Variants in CLPTM1L observed in about 807,000 individuals in gnomAD.
CLPTM1L encodes the protein CLPTM1 like.
Under a neutral mutation model 70.9 loss-of-function variants are expected in CLPTM1L, and 38 were observed. That is an observed-to-expected ratio of 0.54 (90% CI 0.41 to 0.70). The LOEUF is 0.70. Ranked by LOEUF, CLPTM1L falls within the 30% of genes least tolerant of loss-of-function variation. The pLI, the probability that CLPTM1L is intolerant of heterozygous loss-of-function variation, is 0.00. For missense variants in CLPTM1L, 652 were observed against 705.9 expected, an observed-to-expected ratio of 0.92 and a Z score of 0.87; for synonymous variants, 339 against 299.9, an observed-to-expected ratio of 1.13 and a Z score of -1.35.
At chr5:1,341,945 C>G in intron 2 of CLPTM1L, 85 bp from the exon 3 acceptor site, 1 of 1,109,704 alleles carries the variant, frequency 9.0e-7, no homozygotes, top group Non-Finnish European at 1.3e-6. Context: ...AAAGCTGCTT[C>G]AATAAACTAA....
chr5:1,318,259 G>C lies in CLPTM1L; in HGVS notation c.*110C>G. On this transcript the variant is annotated 3_prime_UTR_variant, in exon 17 of 17. Coordinates refer to ENST00000320895, the MANE Select transcript of CLPTM1L (RefSeq NM_030782.5). The surrounding 1 kb of genome is among the most constrained non-coding windows in gnomAD (Gnocchi z 8.9). Reference sequence around the variant, plus strand: ...GGGAGATGTCTGAGAAATGTCCGAAGGGATTTTGGCAACACAGAAAACGCA... The same window carrying C: ...GGGAGATGTCTGAGAAATGTCCGAACGGATTTTGGCAACACAGAAAACGCA... 1 of 841,540 alleles carries C rather than the reference G, an allele frequency of 1.2e-6. No individual in the cohort carries two copies. Among genetic ancestry groups the C allele is most frequent in the Non-Finnish European group, 1.9e-6 (1 of 515,894 alleles). The allele number at this position is 841,540 out of a possible 1,614,324, so 52.1% of individuals were successfully genotyped here.
chr5:1,335,850 C>T (rs905034656), intron 5 of CLPTM1L, among the ~76,000 whole-genome samples: 3 of 152,242 alleles, frequency 2.0e-5, no homozygotes, highest in Admixed American at 6.5e-5. Flanking sequence ...CCCTACAGCA[C>T]GTGGGCAGTG....
intron 13 of CLPTM1L, among the ~76,000 whole-genome samples, chr5:1,322,183 G>A (rs1226834868): frequency 6.6e-6 from 1 of 152,210 alleles, no homozygotes; most frequent in Non-Finnish European, 1.5e-5. Context: ...TCCTACCAGG[G>A]AGGACGGCAG....
rs771780468 is a variant in CLPTM1L at position 1,320,678 on chromosome 5, C to T, written c.1470G>A (p.Thr490=). The T allele has an allele frequency of 4.5e-6, 7 of 1,548,380 alleles. No homozygotes were observed. Among genetic ancestry groups the T allele is most frequent in the East Asian group, 2.5e-5 (1 of 40,754 alleles). The change falls in exon 16 of 17, where the codon ACG becomes ACA. Residue 490 remains threonine (T), a synonymous_variant. Coordinates refer to ENST00000320895, the MANE Select transcript of CLPTM1L (RefSeq NM_030782.5). ...DVFAFIITMP[T]SHRLACFRDD... ...CCCGGAAGCAGGCCAGCCGGTGAGA[C>T]GTGGGCATGGTGATGATGAAGGCAA...
chr5:1,321,642 G>C lies in CLPTM1L; in HGVS notation c.1409C>G (p.Thr470Ser). The C allele has an allele frequency of 6.2e-7, 1 of 1,613,850 alleles. No individual in the cohort carries two copies. The highest frequency in any genetic ancestry group is 8.5e-7 in the Non-Finnish European group (1 of 1,179,958). Residue 470 changes from threonine to serine, a missense_variant, in exon 15 of 17, where the codon ACC becomes AGC. By Grantham distance (58) the Thr-to-Ser change is moderately conservative (BLOSUM62 1). This residue lies in a region of CLPTM1L where 240 missense variants were observed against 295.0 expected (regional missense o/e 0.81). Coordinates refer to ENST00000320895, the MANE Select transcript of CLPTM1L (RefSeq NM_030782.5). ...SVAHLPWKAF[T>S]YKAFNTFIDD... Reference sequence around the variant, plus strand: ...ACCGGCTGTCACACTCACCTTGTAGGTGAAGGCCTTCCAGGGCAGATGTGC... The same window carrying C: ...ACCGGCTGTCACACTCACCTTGTAGCTGAAGGCCTTCCAGGGCAGATGTGC...
In CLPTM1L at chr5:1,344,956, C is replaced by T; in HGVS notation, c.-115G>A. The T allele has an allele frequency of 2.1e-6, 1 of 486,796 alleles. No individual in the cohort carries two copies. Among genetic ancestry groups the T allele is most frequent in the Non-Finnish European group, 2.7e-6 (1 of 375,742 alleles). 30.2% of individuals were successfully genotyped at this position (486,796 alleles called of 1,614,324 possible). On this transcript the variant is annotated 5_prime_UTR_variant, in exon 1 of 17. An upstream open reading frame in the 5' UTR gains an earlier in-frame stop. Coordinates refer to ENST00000320895, the MANE Select transcript of CLPTM1L (RefSeq NM_030782.5). Reference sequence around the variant, plus strand: ...CCGCTCACTGGAGAGCCGCCGCGCGCCACCGCCACCGCCGCGGGGGAACGA... The same window carrying T: ...CCGCTCACTGGAGAGCCGCCGCGCGTCACCGCCACCGCCGCGGGGGAACGA...
intron 7 of CLPTM1L, among the ~76,000 whole-genome samples, chr5:1,332,872 G>A (rs553754296): frequency 2.0e-5 from 3 of 152,266 alleles, no homozygotes; most frequent in South Asian, 2.1e-4. Flanking sequence ...ATCCAATGAG[G>A]GTCTTTGAAC....
At chr5:1,338,082 C>G in intron 4 of CLPTM1L, 100 bp from the exon 5 acceptor site, 1 of 906,400 alleles carries the variant, frequency 1.1e-6, no homozygotes, top group Non-Finnish European at 1.8e-6. Flanking sequence ...GAAGTGCCCC[C>G]AGCACCACCC....
chr5:1,343,914 A>G (rs1382167362), intron 2 of CLPTM1L, among the ~76,000 whole-genome samples: 1 of 152,258 alleles, frequency 6.6e-6, no homozygotes, highest in African/African-American at 2.4e-5. Context: ...CTAACGTCAC[A>G]TGTCACTTAT....
At position 1,335,089 on chromosome 5, in the gene CLPTM1L, A is replaced by G; in HGVS notation, c.764T>C (p.Met255Thr). The G allele has an allele frequency of 1.9e-6, 3 of 1,613,558 alleles. No individual in the cohort carries two copies. Among genetic ancestry groups the G allele is most frequent in the Non-Finnish European group, 1.7e-6 (2 of 1,180,012 alleles). The change falls in exon 6 of 17, where the codon ATG (methionine) becomes ACG (threonine). Residue 255 changes from methionine (M) to threonine (T), a missense_variant. Coordinates refer to ENST00000320895, the MANE Select transcript of CLPTM1L (RefSeq NM_030782.5). ...SLGRLRFWIHMQDAVYSLQQF... is the reference protein window; with the variant it reads ...SLGRLRFWIHTQDAVYSLQQF... ...CTGCAGGGAGTACACGGCGTCCTGC[A>G]TGTGGATCCAGAAGCGCAGCCGCCC...
chr5:1,339,279 G>A (rs1184756675), intron 3 of CLPTM1L, among the ~76,000 whole-genome samples: 1 of 138,964 alleles, frequency 7.2e-6, no homozygotes, highest in African/African-American at 2.8e-5. Context: ...CCTAACCTGT[G>A]AACAGATGGC....
chr5:1,335,650 G>A (rs1301198274), intron 5 of CLPTM1L, among the ~76,000 whole-genome samples: 3 of 152,232 alleles, frequency 2.0e-5, no homozygotes, highest in Non-Finnish European at 4.4e-5. Flanking sequence ...CAGAGCAGGG[G>A]GTGGCCGTGG....
chr5:1,331,715 G>T lies in CLPTM1L; in HGVS notation c.976+84C>A. On this transcript the variant is annotated intron_variant, in intron 8 of 16. Coordinates refer to ENST00000320895, the MANE Select transcript of CLPTM1L (RefSeq NM_030782.5). The stretch of plus-strand genomic sequence containing the variant: ...CCCGGGGCTGTGTCTGCAGCCAGCA[G>T]TGAGGCAGGCAGCCCTCTACCGCAG... 4 of 1,176,460 alleles carry T rather than the reference G, an allele frequency of 3.4e-6. No homozygotes were observed. The East Asian group carries it at 7.0e-5, about 21-fold the overall frequency. The allele number at this position is 1,176,460 out of a possible 1,614,324, so 72.9% of individuals were successfully genotyped here. A position where few individuals can be genotyped will look rare whatever the true frequency, so the allele number is the denominator to read the frequency against.
chr5:1,329,030 G>A (rs1323653511), intron 9 of CLPTM1L, among the ~76,000 whole-genome samples: 4 of 148,762 alleles, frequency 2.7e-5, no homozygotes, highest in Admixed American at 6.7e-5. Context: ...CAGGCATGAC[G>A]GCCGCAGAGG....
intron 11 of CLPTM1L, 90 bp downstream of exon 11, chr5:1,324,673 T>G: frequency 1.6e-6 from 2 of 1,280,140 alleles, no homozygotes; most frequent in Non-Finnish European, 1.1e-6. Flanking sequence ...CCAAGGAGAC[T>G]TCCGCACTGA....
chr5:1,340,373 T>A (rs1753863726), intron 3 of CLPTM1L, among the ~76,000 whole-genome samples: 1 of 152,172 alleles, frequency 6.6e-6, no homozygotes, highest in African/African-American at 2.4e-5. Context: ...AAACAGGACA[T>A]GGACTGACAG....
chr5:1,340,430 T>C (rs1753867903), intron 3 of CLPTM1L, among the ~76,000 whole-genome samples: 1 of 152,210 alleles, frequency 6.6e-6, no homozygotes, highest in Non-Finnish European at 1.5e-5. Flanking sequence ...GGAAGCACTA[T>C]CGCCTCACCC....
intron 9 of CLPTM1L, among the ~76,000 whole-genome samples, chr5:1,327,303 T>C (rs1752663297): frequency 6.7e-6 from 1 of 149,250 alleles, no homozygotes; most frequent in African/African-American, 2.5e-5. Flanking sequence ...CAGCTCCTCC[T>C]CTACAGACAC....
rs200649005 is a variant in CLPTM1L at position 1,344,394 on chromosome 5, C to G, written c.220G>C (p.Val74Leu). Reference sequence around the variant, plus strand: ...ACATCAAAGTCTTCCACATTCAAGACCAGGTCGATGTTGTTCTCAGCACCC... The same window carrying G: ...ACATCAAAGTCTTCCACATTCAAGAGCAGGTCGATGTTGTTCTCAGCACCC... ...HLGAENNIDL[V>L]LNVEDFDVES... Residue 74 changes from valine (V) to leucine (L), a missense_variant, in exon 2 of 17, where the codon GTC (valine) becomes CTC (leucine). By Grantham distance (32) the Val-to-Leu change is conservative. Around this residue, in one of 3 missense-constraint regions of CLPTM1L, gnomAD observed 402 missense variants for 388.2 expected, o/e 1.04. Coordinates refer to ENST00000320895, the MANE Select transcript of CLPTM1L (RefSeq NM_030782.5). 7 of 1,613,932 alleles carry G rather than the reference C, an allele frequency of 4.3e-6. No homozygotes were observed. The highest frequency in any genetic ancestry group is 5.9e-6 in the Non-Finnish European group (7 of 1,180,004).
Sources: allele counts gnomAD v4.1 joint callset (sites outside exome capture counted in the v4.1 genomes callset), GRCh38; gene constraint gnomAD v4.1.1; regional missense constraint gnomAD v4.1.1; non-coding constraint Gnocchi (gnomAD v3.1); transcripts MANE v1.5; gene names NCBI Gene and HGNC (gene_info 2026-07-23, HGNC 2026-07-21).